The following MDGA2 variants were observed in gnomAD, a reference collection of about 807,000 sequenced individuals.
MDGA2 encodes MAM domain-containing glycosylphosphatidylinositol anchor protein 2.
A neutral mutation model predicts 117.8 loss-of-function variants in MDGA2; 40 were observed. The observed-to-expected ratio is 0.34, with a 90% CI of 0.26 to 0.44. MDGA2 has a LOEUF of 0.44. Ranked by LOEUF, MDGA2 falls within the 20% of genes least tolerant of loss-of-function variation. MDGA2 has a pLI of 1.00. For synonymous variants in MDGA2, 452 were observed against 439.0 expected (o/e 1.03, Z -0.37); for missense variants, 1,123 against 1,250.6 (o/e 0.90, Z 1.54).
At chr14:47,634,101 A>G (rs1330409080) in intron 1 of MDGA2, among the ~76,000 whole-genome samples, 1 of 152,154 alleles carries the variant, frequency 6.6e-6, no homozygotes, top group Non-Finnish European at 1.5e-5. Context: ...TTGACTCAGT[A>G]ATCCTCTCTC....
At chr14:47,217,973 A>G in intron 3 of MDGA2, 48 bp downstream of exon 3, 1 of 1,391,536 alleles carries the variant, frequency 7.2e-7, no homozygotes, top group Non-Finnish European at 9.5e-7. Context: ...GTAAGACAAA[A>G]GAAATCCATA....
At chr14:47,631,275 C>G (rs1897245682) in intron 1 of MDGA2, among the ~76,000 whole-genome samples, 1 of 152,184 alleles carries the variant, frequency 6.6e-6, no homozygotes. Context: ...TTCTCAAGGA[C>G]AGTAGATGCT....
At chr14:46,988,075 A>G (rs937712824) in intron 8 of MDGA2, among the ~76,000 whole-genome samples, 2 of 152,002 alleles carry the variant, frequency 1.3e-5, no homozygotes, top group Admixed American at 1.3e-4. Context: ...AAATAGTAGT[A>G]AAGAGTGGAG....
intron 1 of MDGA2, among the ~76,000 whole-genome samples, chr14:47,659,132 A>G (rs993989711): frequency 7.2e-5 from 11 of 152,208 alleles, no homozygotes; most frequent in African/African-American, 2.4e-4. Context: ...TCACCCTGCT[A>G]TGTCAATAAA....
chr14:47,199,492 G>A (rs1229508255), intron 3 of MDGA2, among the ~76,000 whole-genome samples: 1 of 152,060 alleles, frequency 6.6e-6, no homozygotes, highest in African/African-American at 2.4e-5. Context: ...TATCAGAAAT[G>A]AAGATTGTAG....
At chr14:47,443,757 C>T (rs1176465808) in intron 1 of MDGA2, among the ~76,000 whole-genome samples, 4 of 152,156 alleles carry the variant, frequency 2.6e-5, no homozygotes, top group Admixed American at 2.0e-4. Context: ...AGACACCTTT[C>T]ACCTGTATAT....
chr14:47,346,785 A>C (rs1890771909), intron 1 of MDGA2, among the ~76,000 whole-genome samples: 1 of 152,224 alleles, frequency 6.6e-6, no homozygotes, highest in Non-Finnish European at 1.5e-5. Flanking sequence ...ATAATAGATA[A>C]AATTGATAAG....
chr14:47,066,398 C>T (rs1412478756), intron 6 of MDGA2, among the ~76,000 whole-genome samples: 1 of 152,134 alleles, frequency 6.6e-6, no homozygotes, highest in Non-Finnish European at 1.5e-5. Flanking sequence ...TTCTGAGATG[C>T]ATCTGGGGAA....
At chr14:47,356,605 G>A (rs1890999051) in intron 1 of MDGA2, among the ~76,000 whole-genome samples, 1 of 152,134 alleles carries the variant, frequency 6.6e-6, no homozygotes, top group Non-Finnish European at 1.5e-5. Flanking sequence ...CCAAAATACT[G>A]CCTGAACCTA....
At chr14:47,052,025 G>A (rs1010025633) in intron 7 of MDGA2, among the ~76,000 whole-genome samples, 6 of 151,782 alleles carry the variant, frequency 4.0e-5, no homozygotes, top group African/African-American at 1.4e-4. Context: ...AAATCTGGTG[G>A]AAGCATTTAT....
intron 3 of MDGA2, among the ~76,000 whole-genome samples, chr14:47,171,955 T>C (rs897146899): frequency 2.4e-4 from 37 of 152,142 alleles, no homozygotes; most frequent in African/African-American, 8.4e-4. Flanking sequence ...ATACTGCGCT[T>C]TTCCGACGGG....
intron 1 of MDGA2, among the ~76,000 whole-genome samples, chr14:47,595,276 A>G (rs936438924): frequency 6.6e-6 from 1 of 151,936 alleles, no homozygotes; most frequent in African/African-American, 2.4e-5. Flanking sequence ...TTAAGAAATT[A>G]GTAATCCCAG....
chr14:47,603,168 C>T (rs1896678965), intron 1 of MDGA2, among the ~76,000 whole-genome samples: 1 of 152,162 alleles, frequency 6.6e-6, no homozygotes, highest in Admixed American at 6.6e-5. Flanking sequence ...TGCCAAGATG[C>T]AGAGACAGGC....
At chr14:47,140,320 T>C (rs1037093868) in intron 4 of MDGA2, among the ~76,000 whole-genome samples, 3 of 152,036 alleles carry the variant, frequency 2.0e-5, no homozygotes, top group Admixed American at 2.0e-4. Flanking sequence ...TTCACAGATA[T>C]TGGAAAACAC....
Position 47,150,412 on chromosome 14 carries a change from G to A in MDGA2, c.596-6138C>T, listed in dbSNP as rs562252659. Among the ~76,000 whole-genome samples the A allele has an allele frequency of 5.3e-5, 8 of 152,180 alleles. No individual in the cohort carries two copies. The East Asian group carries it at 1.5e-3, about 29-fold the overall frequency. ...AAGAGGTCTTATGCTCACATACCAC[G>A]GTCAAGTGATGATTAATTACACTCA... On this transcript the variant is annotated intron_variant, in intron 3 of 16. Coordinates refer to ENST00000399232, the MANE Select transcript of MDGA2 (RefSeq NM_001113498.3).
At chr14:47,659,647 T>C (rs1897808739) in intron 1 of MDGA2, among the ~76,000 whole-genome samples, 1 of 152,182 alleles carries the variant, frequency 6.6e-6, no homozygotes, top group Non-Finnish European at 1.5e-5. Flanking sequence ...AGTGTATACC[T>C]CAATTATGAA....
At chr14:47,185,732 A>G (rs1017312603) in intron 3 of MDGA2, among the ~76,000 whole-genome samples, 7 of 151,680 alleles carry the variant, frequency 4.6e-5, no homozygotes, top group Non-Finnish European at 8.9e-5. Context: ...AATCTAATTT[A>G]TGAGTATAAA....
intron 3 of MDGA2, among the ~76,000 whole-genome samples, chr14:47,147,129 G>C (rs1882973844): frequency 6.6e-6 from 1 of 151,620 alleles, no homozygotes; most frequent in Non-Finnish European, 1.5e-5. Context: ...ATGTATGTTT[G>C]TGTGTGCCCA....
intron 9 of MDGA2, among the ~76,000 whole-genome samples, chr14:46,952,387 A>G (rs750438601): frequency 1.3e-4 from 19 of 151,966 alleles, no homozygotes; most frequent in Non-Finnish European, 1.8e-4. Context: ...TTGAGGATTA[A>G]GATGGAAGAA....
Sources: allele counts gnomAD v4.1 joint callset (sites outside exome capture counted in the v4.1 genomes callset), GRCh38; gene constraint gnomAD v4.1.1; transcripts MANE v1.5; gene names NCBI Gene and HGNC (gene_info 2026-07-23, HGNC 2026-07-21).